CEP55: variants seen among roughly 807,000 people sequenced by gnomAD.
The protein encoded by CEP55 is centrosomal protein of 55 kDa.
A neutral mutation model predicts 63.2 loss-of-function variants in CEP55; 57 were observed. That is an observed-to-expected ratio of 0.90 (90% CI 0.73 to 1.13). CEP55 has a LOEUF of 1.13. Ranked by LOEUF, CEP55 falls within the 50% of genes most tolerant of loss-of-function variation. The pLI is 0.00. For missense variants in CEP55, 456 were observed against 518.9 expected (o/e 0.88, Z 1.18); for synonymous variants, 178 against 191.6 (o/e 0.93, Z 0.59).
At chr10:93,519,569 C>T (rs377066556) in intron 7 of CEP55, 113 bp from the exon 8 acceptor site, 43 of 1,211,280 alleles carry the variant, frequency 3.5e-5, no homozygotes, top group Admixed American at 1.1e-4. Context: ...ATTCTTGCTA[C>T]GATGGTACAA....
At chr10:93,524,108 A>C (rs2057893762) in intron 8 of CEP55, among the ~76,000 whole-genome samples, 2 of 152,216 alleles carry the variant, frequency 1.3e-5, no homozygotes, top group South Asian at 2.1e-4. Context: ...ACTGAAGGAG[A>C]TAGAGACACA....
At chr10:93,505,202 T>C (rs1448902449) in intron 3 of CEP55, among the ~76,000 whole-genome samples, 1 of 152,262 alleles carries the variant, frequency 6.6e-6, no homozygotes, top group Admixed American at 6.5e-5. Flanking sequence ...CTGACTCCTA[T>C]AACAACTTCC....
intron 3 of CEP55, among the ~76,000 whole-genome samples, chr10:93,504,184 A>G: frequency 6.6e-6 from 1 of 152,170 alleles, no homozygotes. Context: ...CATTAATATC[A>G]TCTATAGGCT....
chr10:93,498,361 A>G (rs181692103), intron 1 of CEP55, among the ~76,000 whole-genome samples: 1 of 152,222 alleles, frequency 6.6e-6, no homozygotes, highest in East Asian at 1.9e-4. Context: ...TTGTGTCTCA[A>G]TGACTTGGTA....
rs549009227 is a variant in CEP55 at position 93,524,789 on chromosome 10, G to A, written c.1192-3161G>A. The stretch of plus-strand genomic sequence containing the variant: ...GGGATGCAAGGCTGGTTCAACATAC[G>A]CAAATCAATAAACGTAATCCAGCAT... On this transcript the variant is annotated intron_variant, in intron 8 of 8. Transcript: ENST00000371485. Among the ~76,000 whole-genome samples, 186 of 152,152 alleles carry A rather than the reference G, an allele frequency of 1.2e-3. 2 individuals are homozygous for A. The highest frequency in any genetic ancestry group is 4.3e-3 in the African/African-American group (178 of 41,492).
At chr10:93,505,676 C>G (rs951585543) in intron 3 of CEP55, among the ~76,000 whole-genome samples, 8 of 152,120 alleles carry the variant, frequency 5.3e-5, no homozygotes, top group Non-Finnish European at 1.0e-4. Context: ...TGCCAGTATT[C>G]ACAAGTCTCT....
intron 7 of CEP55, 168 bp downstream of exon 7, chr10:93,519,116 C>T: frequency 1.8e-6 from 1 of 552,800 alleles, no homozygotes; most frequent in South Asian, 2.5e-5. Flanking sequence ...TCAAGAGACT[C>T]TGCTAGCCAC....
intron 1 of CEP55, among the ~76,000 whole-genome samples, chr10:93,499,176 T>C (rs2057605601): frequency 6.6e-6 from 1 of 152,178 alleles, no homozygotes; most frequent in South Asian, 2.1e-4. Flanking sequence ...CTGAATGTTA[T>C]ACCTCTTTTC....
chr10:93,520,475 T>C (rs981934470), intron 8 of CEP55, among the ~76,000 whole-genome samples: 1 of 150,946 alleles, frequency 6.6e-6, no homozygotes, highest in Non-Finnish European at 1.5e-5. Context: ...TTAGGGATAA[T>C]GGACTATTAC....
At position 93,513,029 on chromosome 10, in the gene CEP55, C is replaced by A. The variant is rs1031943212; in HGVS notation, c.529-2376C>A. 3.3e-5 allele frequency among the ~76,000 whole-genome samples: 5 copies of A among 152,228 alleles called. 1 individual carries two copies. The highest frequency in any genetic ancestry group is 2.9e-5 in the Non-Finnish European group (2 of 68,012). ...TTTCAATAAGACAGACTCTTTAAAT[C>A]AAAAATCAAATTACTACAGTGAAAA... is the stretch of plus-strand genomic sequence containing the variant. On this transcript the variant is annotated intron_variant, in intron 4 of 8. Transcript: ENST00000371485.
intron 8 of CEP55, 139 bp from the exon 9 acceptor site, chr10:93,527,811 G>A (rs967799316): frequency 1.5e-6 from 1 of 678,936 alleles, no homozygotes; most frequent in Non-Finnish European, 2.5e-6. Flanking sequence ...AGCCTGGGAG[G>A]TCGAGGCTGC....
At position 93,503,279 on chromosome 10, in the gene CEP55, T is replaced by C. The variant is rs1241717358; in HGVS notation, c.350T>C (p.Val117Ala). The change falls in exon 3 of 9, where the codon GTG becomes GCG. Residue 117 changes from valine (V) to alanine (A), a missense_variant. Val to Ala is a moderately conservative substitution (Grantham distance 64). Transcript: ENST00000371485. The stretch of plus-strand genomic sequence containing the variant: ...AGAGAAGGAGAAAGGAGGGAGCAGG[T>C]GTTGAAAGCCTTATCTGAAGAGAAA... ...TTREGERREQ[V>A]LKALSEEKDV... The C allele has an allele frequency of 8.7e-6, 14 of 1,614,066 alleles. No individual in the cohort carries two copies. The African/African-American group carries it at 1.9e-4, about 22-fold the overall frequency.
intron 4 of CEP55, among the ~76,000 whole-genome samples, chr10:93,511,910 T>G (rs1191250349): frequency 6.6e-6 from 1 of 151,564 alleles, no homozygotes; most frequent in Non-Finnish European, 1.5e-5. Context: ...CTGGTTCCTT[T>G]AAAAGAAAAG....
intron 8 of CEP55, among the ~76,000 whole-genome samples, chr10:93,524,859 T>C (rs1207822818): frequency 6.6e-6 from 1 of 152,184 alleles, no homozygotes; most frequent in Non-Finnish European, 1.5e-5. Flanking sequence ...TCTCAATAGA[T>C]GCAGAAAAGG....
chr10:93,528,716 T>C lies in CEP55; in HGVS notation c.*563T>C, dbSNP rs919903881. On this transcript the variant is annotated 3_prime_UTR_variant, in exon 9 of 9. Coordinates refer to ENST00000371485, the MANE Select transcript of CEP55 (RefSeq NM_018131.5). Reference sequence around the variant, plus strand: ...TTACCATTGAAACTTAACCCAGCTGTGTTCCCCAACTCTGTTCTGCGCACG... The same window carrying C: ...TTACCATTGAAACTTAACCCAGCTGCGTTCCCCAACTCTGTTCTGCGCACG... 6.5e-6 allele frequency: 1 copy of C among 153,436 alleles called. No individual in the cohort carries two copies. Among genetic ancestry groups the C allele is most frequent in the Non-Finnish European group, 1.4e-5 (1 of 69,006 alleles). 9.5% of individuals were successfully genotyped at this position (153,436 alleles called of 1,614,324 possible). A position where few individuals can be genotyped will look rare whatever the true frequency, so the allele number is the denominator to read the frequency against.
chr10:93,518,949 G>A lies in CEP55; in HGVS notation c.1065+1G>A, dbSNP rs866488106. Reference sequence around the variant, plus strand: ...AAGGGTAGCTCTGTTGGAACAACAGGTACTCATTCGGGTTGCTTCTAAATT... The same window carrying A: ...AAGGGTAGCTCTGTTGGAACAACAGATACTCATTCGGGTTGCTTCTAAATT... On this transcript the variant is annotated splice_donor_variant, in intron 7 of 8. Coordinates refer to ENST00000371485, the MANE Select transcript of CEP55 (RefSeq NM_018131.5). LOFTEE classifies it high-confidence loss of function. 6.2e-7 allele frequency: 1 copy of A among 1,610,002 alleles called. No homozygotes were observed. Among genetic ancestry groups the A allele is most frequent in the Non-Finnish European group, 8.5e-7 (1 of 1,176,300 alleles).
intron 6 of CEP55, among the ~76,000 whole-genome samples, chr10:93,518,229 A>G (rs2057824066): frequency 1.3e-5 from 2 of 151,846 alleles, no homozygotes; most frequent in East Asian, 3.9e-4. Flanking sequence ...AGCTCACTGT[A>G]ACCTCCACCT....
chr10:93,519,072 A>G (rs2280605), intron 7 of CEP55, 124 bp downstream of exon 7: 456,747 of 627,760 alleles, frequency 0.73, 170,024 homozygotes, highest in Admixed American at 0.83. Context: ...AAAGACTTCA[A>G]TAAAAGTCTT....
At chr10:93,521,493 T>A (rs1464450099) in intron 8 of CEP55, among the ~76,000 whole-genome samples, 1 of 152,206 alleles carries the variant, frequency 6.6e-6, no homozygotes, top group Non-Finnish European at 1.5e-5. Context: ...GAGGCCTGCC[T>A]GCCTCTGTAG....
Sources: allele counts gnomAD v4.1 joint callset (sites outside exome capture counted in the v4.1 genomes callset), GRCh38; gene constraint gnomAD v4.1.1; transcripts MANE v1.5; gene names NCBI Gene and HGNC (gene_info 2026-07-23, HGNC 2026-07-21).